RGS20: variants seen among roughly 807,000 people sequenced by gnomAD.
RGS20 encodes gz-selective GTPase-activating protein.
Under a neutral mutation model 33.6 loss-of-function variants are expected in RGS20, and 30 were observed. That is an observed-to-expected ratio of 0.89 (90% CI 0.67 to 1.21). The LOEUF (loss-of-function observed/expected upper bound fraction) is 1.21, where lower values mean the gene tolerates loss of function less well. RGS20 is among the 50% of genes most tolerant of loss of function. RGS20 has a pLI of 0.00. For synonymous variants in RGS20, 208 were observed against 197.9 expected, an observed-to-expected ratio of 1.05 and a Z score of -0.43; for missense variants, 472 against 502.4, an observed-to-expected ratio of 0.94 and a Z score of 0.58.
At chr8:53,906,191 G>A (rs191237498) in intron 2 of RGS20, among the ~76,000 whole-genome samples, 8 of 152,088 alleles carry the variant, frequency 5.3e-5, no homozygotes, top group Admixed American at 3.9e-4. Context: ...TGAGGCGGGC[G>A]GATCACGACC....
chr8:53,947,086 ATATT>A (rs572947079), intron 4 of RGS20, among the ~76,000 whole-genome samples: 4 of 147,212 alleles, frequency 2.7e-5, no homozygotes, highest in South Asian at 2.1e-4. Flanking sequence ...TATAGCATAT[ATATT>A]TATATATACT....
chr8:53,947,480 A>T (rs1563429822), intron 4 of RGS20, among the ~76,000 whole-genome samples: 1 of 138,510 alleles, frequency 7.2e-6, no homozygotes, highest in Non-Finnish European at 1.5e-5. Flanking sequence ...TAGTATATAC[A>T]TTTATATATG....
intron 1 of RGS20, among the ~76,000 whole-genome samples, chr8:53,866,051 A>G (rs1364660096): frequency 6.6e-6 from 1 of 152,202 alleles, no homozygotes; most frequent in African/African-American, 2.4e-5. Flanking sequence ...GGGAAATGGC[A>G]TCTAAGCTGA....
intron 2 of RGS20, among the ~76,000 whole-genome samples, chr8:53,918,937 G>C (rs1813571241): frequency 6.6e-6 from 1 of 152,168 alleles, no homozygotes; most frequent in Non-Finnish European, 1.5e-5. Flanking sequence ...TATAGGACTA[G>C]AATTGCTGGG....
At chr8:53,885,478 TTAGCGGGCGTCTGTAGTACCAGCTAC>T (rs1280241789) in intron 2 of RGS20, among the ~76,000 whole-genome samples, 15 of 152,170 alleles carry the variant, frequency 9.9e-5, no homozygotes, top group African/African-American at 3.6e-4. Context: ...GCTGGGCGTA[TTAGCGGGCGTCTGTAGTACCAGCTAC>T]TCGGGAGGCT....
chr8:53,885,296 G>A (rs1488723057), intron 2 of RGS20, among the ~76,000 whole-genome samples: 1 of 152,198 alleles, frequency 6.6e-6, no homozygotes, highest in Non-Finnish European at 1.5e-5. Context: ...TAAAGGTCCA[G>A]CCCTCACATC....
rs1171107892 is a variant in RGS20 at position 53,877,469 on chromosome 8, G to A, written c.166-1789G>A. On this transcript the variant is annotated intron_variant, in intron 1 of 5. Coordinates refer to ENST00000297313, the MANE Select transcript of RGS20 (RefSeq NM_170587.4). The surrounding 1 kb of genome is among the most constrained non-coding windows in gnomAD (Gnocchi z 5.7). ...TCCACCCCAAGCCCCAGCCGGAGGGGCGCGTCCCCTGTCCTCCTCCCGAGC... is the reference window on the plus strand; with the variant it reads ...TCCACCCCAAGCCCCAGCCGGAGGGACGCGTCCCCTGTCCTCCTCCCGAGC... 6.6e-6 allele frequency among the ~76,000 whole-genome samples: 1 copy of A among 152,228 alleles called. No individual in the cohort carries two copies. Among genetic ancestry groups the A allele is most frequent in the Non-Finnish European group, 1.5e-5 (1 of 68,030 alleles).
At chr8:53,862,772 C>T (rs896846864) in intron 1 of RGS20, among the ~76,000 whole-genome samples, 1 of 152,146 alleles carries the variant, frequency 6.6e-6, no homozygotes. Context: ...ACACTCCAGC[C>T]TGAGTGATGG....
intron 2 of RGS20, among the ~76,000 whole-genome samples, chr8:53,916,896 G>T (rs1313290680): frequency 6.6e-6 from 1 of 152,104 alleles, no homozygotes; most frequent in East Asian, 1.9e-4. Context: ...CCCTCACAGG[G>T]TAGATAAAGA....
chr8:53,879,504 C>T lies in RGS20; in HGVS notation c.412C>T (p.Pro138Ser). ...CCTGCTCGGGGCGGCGCTGGCACTG[C>T]CCGGCCGACCCTCGGGGGGTCGTCC... is the stretch of plus-strand genomic sequence containing the variant. The change falls in exon 2 of 6, where the codon CCC (proline) becomes TCC (serine). Residue 138 changes from proline (P) to serine (S), a missense_variant. By Grantham distance (74) the Pro-to-Ser change is moderately conservative. Coordinates refer to ENST00000297313, the MANE Select transcript of RGS20 (RefSeq NM_170587.4). 1.3e-6 allele frequency: 2 copies of T among 1,549,290 alleles called. No homozygotes were observed. Among genetic ancestry groups the T allele is most frequent in the Non-Finnish European group, 8.7e-7 (1 of 1,149,652 alleles).
chr8:53,939,342 T>C (rs1354662516), intron 2 of RGS20, among the ~76,000 whole-genome samples: 1 of 152,258 alleles, frequency 6.6e-6, no homozygotes, highest in Non-Finnish European at 1.5e-5. Context: ...GCCTTCCATC[T>C]GCTAGTTTAT....
chr8:53,856,806 T>C (rs1811684267), intron 1 of RGS20, among the ~76,000 whole-genome samples: 2 of 152,218 alleles, frequency 1.3e-5, no homozygotes. Context: ...TCTGAAAGTG[T>C]GGGCTTCTGA....
chr8:53,879,266 G>A lies in RGS20; in HGVS notation c.174G>A (p.Pro58=). ...CTCTCTCCCCACCCCAGTCCTTCCC[G>A]CCTGCACAGCTCCCAGACTCGCCCG... The change falls in exon 2 of 6, where the codon CCG becomes CCA. Residue 58 remains proline, a synonymous_variant. Coordinates refer to ENST00000297313, the MANE Select transcript of RGS20 (RefSeq NM_170587.4). 3.1e-6 allele frequency: 5 copies of A among 1,613,546 alleles called. No homozygotes were observed. The highest frequency in any genetic ancestry group is 1.1e-5 in the South Asian group (1 of 91,074).
At chr8:53,881,170 G>C in intron 2 of RGS20, 86 bp downstream of exon 1, 1 of 1,039,136 alleles carries the variant, frequency 9.6e-7, no homozygotes. Context: ...AGGCTGGGAG[G>C]GGCGCGCCGC....
chr8:53,923,229 G>A (rs1813699600), intron 2 of RGS20, among the ~76,000 whole-genome samples: 1 of 152,112 alleles, frequency 6.6e-6, no homozygotes, highest in South Asian at 2.1e-4. Flanking sequence ...ACCGAACCTG[G>A]CCAATCCTAT....
At chr8:53,933,332 AAC>A (rs1319387506) in intron 2 of RGS20, among the ~76,000 whole-genome samples, 1 of 152,200 alleles carries the variant, frequency 6.6e-6, no homozygotes, top group Non-Finnish European at 1.5e-5. Context: ...AGCATGTTCT[AAC>A]CCAATGAAAG....
chr8:53,910,550 C>T (rs377073045), intron 2 of RGS20, among the ~76,000 whole-genome samples: 4 of 152,158 alleles, frequency 2.6e-5, no homozygotes, highest in South Asian at 2.1e-4. Context: ...TCTTAGAAAG[C>T]GAATAAACAT....
chr8:53,881,144 T>A (rs929116582), intron 2 of RGS20, 60 bp downstream of exon 1: 4 of 1,281,746 alleles, frequency 3.1e-6, no homozygotes, highest in Middle Eastern at 2.3e-4. Context: ...TGAGGCTTCG[T>A]GCTGGAAAGT....
At chr8:53,957,444 G>A (rs1256948062) in intron 5 of RGS20, among the ~76,000 whole-genome samples, 5 of 152,248 alleles carry the variant, frequency 3.3e-5, no homozygotes, top group East Asian at 1.9e-4. Context: ...CCCTGTGATT[G>A]GAACCTTCCA....
Sources: gnomAD v4.1 joint callset for allele counts (sites outside exome capture counted in the v4.1 genomes callset) on GRCh38, gnomAD v4.1.1 for gene constraint, Gnocchi (gnomAD v3.1) non-coding constraint, MANE v1.5 for transcripts, NCBI Gene and HGNC (gene_info 2026-07-23, HGNC 2026-07-21) for gene names.